The following AXDND1 variants were observed in gnomAD, a reference collection of about 807,000 sequenced individuals.
AXDND1 encodes axonemal dynein light chain domain containing 1.
Under a neutral mutation model 137.5 loss-of-function variants are expected in AXDND1, and 110 were observed. That is an observed-to-expected ratio of 0.80 (90% CI 0.69 to 0.94). The LOEUF (loss-of-function observed/expected upper bound fraction) is 0.94, where lower values mean the gene tolerates loss of function less well. AXDND1 is among the 40% of genes least tolerant of loss of function. The probability of loss-of-function intolerance (pLI) is 0.00; values close to 1 mark genes in which losing one functional copy is unlikely to be tolerated. For synonymous variants in AXDND1, 414 were observed against 399.7 expected, an observed-to-expected ratio of 1.04 and a Z score of -0.43; for missense variants, 1,191 against 1,169.8, an observed-to-expected ratio of 1.02 and a Z score of -0.26.
chr1:179,410,302 C>A (rs1017515776), intron 11 of AXDND1, among the ~76,000 whole-genome samples: 3 of 152,168 alleles, frequency 2.0e-5, no homozygotes, highest in Non-Finnish European at 4.4e-5. Flanking sequence ...GCGATCTCGG[C>A]TCACTGCAAC....
intron 21 of AXDND1, among the ~76,000 whole-genome samples, chr1:179,518,358 G>A: frequency 6.6e-6 from 1 of 150,570 alleles, no homozygotes; most frequent in East Asian, 1.9e-4. Flanking sequence ...TTTAATTATT[G>A]AGGCTTTATG....
chr1:179,418,781 G>T (rs1309240746), intron 12 of AXDND1, among the ~76,000 whole-genome samples: 2 of 151,970 alleles, frequency 1.3e-5, no homozygotes, highest in African/African-American at 4.8e-5. Flanking sequence ...CTTCCCAGAT[G>T]GGGTGGCTGC....
chr1:179,396,644 A>G (rs1651117292), intron 11 of AXDND1, among the ~76,000 whole-genome samples: 2 of 151,350 alleles, frequency 1.3e-5, no homozygotes, highest in South Asian at 4.3e-4. Flanking sequence ...CGACAGAGCA[A>G]GACTCCATCT....
At chr1:179,447,942 C>T (rs1350309396) in intron 16 of AXDND1, 15 of 1,389,124 alleles carry the variant, frequency 1.1e-5, no homozygotes, top group South Asian at 1.0e-4. Context: ...AATCTGTTAA[C>T]GTTGAGCTGG....
At chr1:179,459,891 TTTCTTTC>T (rs139875190) in intron 16 of AXDND1, among the ~76,000 whole-genome samples, 12,976 of 131,232 alleles carry the variant, frequency 0.099, 704 homozygotes, top group East Asian at 0.23. Context: ...TCTCTTTTCT[TTTCTTTC>T]TTTCATTCCT....
chr1:179,551,117 G>A, intron 25 of AXDND1: 1 of 1,607,014 alleles, frequency 6.2e-7, no homozygotes, highest in Non-Finnish European at 8.5e-7. Flanking sequence ...GTCTCCCTCA[G>A]GCATGTGACT....
At chr1:179,445,583 A>ATTCATTCC (rs1659621966) in intron 16 of AXDND1, among the ~76,000 whole-genome samples, 1 of 152,106 alleles carries the variant, frequency 6.6e-6, no homozygotes, top group Admixed American at 6.5e-5. Context: ...CCTGTTCTGG[A>ATTCATTCC]CTTTCATGTG....
In AXDND1 at chr1:179,488,651, C is replaced by CTT. The variant is rs1336430813; in HGVS notation, c.2092-2885_2092-2884dup. On this transcript the variant is annotated intron_variant, in intron 18 of 25. Coordinates refer to ENST00000367618, the MANE Select transcript of AXDND1 (RefSeq NM_144696.6). ...CTCTCTCTCCTTTCTTTCTTTCTTT[C>CTT]TTTCTTTCTTTCTTTCTTTCTTTCT... Among the ~76,000 whole-genome samples, 90 of 107,902 alleles carry CTT rather than the reference C, an allele frequency of 8.3e-4. 4 individuals carry two copies. The highest frequency in any genetic ancestry group is 1.1e-3 in the Non-Finnish European group (58 of 54,616). 70.8% of individuals were successfully genotyped at this position (107,902 alleles called of 152,430 possible).
chr1:179,541,104 G>T (rs1383601900), intron 25 of AXDND1, among the ~76,000 whole-genome samples: 1 of 152,230 alleles, frequency 6.6e-6, no homozygotes, highest in African/African-American at 2.4e-5. Flanking sequence ...ATCTTAGCTT[G>T]CTGGGCTCCG....
chr1:179,534,577 A>T, intron 24 of AXDND1, 153 bp from the exon 25 acceptor site: 1 of 893,642 alleles, frequency 1.1e-6, no homozygotes, highest in Non-Finnish European at 1.6e-6. Flanking sequence ...CTGGGCCCCC[A>T]GTTCTCAGTT....
At chr1:179,494,807 A>G (rs1021542707) in intron 20 of AXDND1, among the ~76,000 whole-genome samples, 4 of 152,162 alleles carry the variant, frequency 2.6e-5, no homozygotes, top group African/African-American at 9.7e-5. Flanking sequence ...ATTTTCTCCT[A>G]TGTTTTCTTC....
At chr1:179,538,368 T>A (rs1190470866) in intron 25 of AXDND1, among the ~76,000 whole-genome samples, 2 of 152,234 alleles carry the variant, frequency 1.3e-5, no homozygotes, top group Non-Finnish European at 2.9e-5. Flanking sequence ...TTTAAATGTG[T>A]CCCAGAGATT....
chr1:179,546,589 C>T (rs755026865), intron 25 of AXDND1, among the ~76,000 whole-genome samples: 4 of 152,062 alleles, frequency 2.6e-5, no homozygotes, highest in African/African-American at 4.8e-5. Context: ...ATGTCCAGAC[C>T]GAGCCATGCT....
At chr1:179,523,894 A>G (rs1670299720) in intron 21 of AXDND1, among the ~76,000 whole-genome samples, 1 of 152,132 alleles carries the variant, frequency 6.6e-6, no homozygotes, top group African/African-American at 2.4e-5. Flanking sequence ...CCCAAAGTCC[A>G]TTGTATCATT....
intron 17 of AXDND1, among the ~76,000 whole-genome samples, chr1:179,482,287 G>A (rs1558246696): frequency 6.6e-6 from 1 of 151,932 alleles, no homozygotes; most frequent in Non-Finnish European, 1.5e-5. Context: ...CTCTCATGGA[G>A]TAGAACCACT....
chr1:179,520,668 C>T (rs907705793), intron 21 of AXDND1, among the ~76,000 whole-genome samples: 1 of 151,656 alleles, frequency 6.6e-6, no homozygotes, highest in Non-Finnish European at 1.5e-5. Context: ...TTAGAGTAGA[C>T]ATGTTTATGA....
intron 21 of AXDND1, among the ~76,000 whole-genome samples, chr1:179,517,474 C>G (rs183384779): frequency 6.6e-6 from 1 of 152,234 alleles, no homozygotes; most frequent in Non-Finnish European, 1.5e-5. Context: ...GGAGGCACCT[C>G]GCCCGATTCA....
intron 24 of AXDND1, 58 bp from the exon 25 acceptor site, chr1:179,534,672 A>G: frequency 6.6e-7 from 1 of 1,517,330 alleles, no homozygotes; most frequent in East Asian, 2.3e-5. Context: ...ATGAGTTTCG[A>G]AATCAAAAAT....
intron 18 of AXDND1, among the ~76,000 whole-genome samples, chr1:179,484,447 C>G (rs1665789578): frequency 6.6e-6 from 1 of 152,146 alleles, no homozygotes; most frequent in African/African-American, 2.4e-5. Flanking sequence ...ACCCCCCTGT[C>G]TTGTGGACTC....
Sources: allele counts gnomAD v4.1 joint callset (sites outside exome capture counted in the v4.1 genomes callset), GRCh38; gene constraint gnomAD v4.1.1; transcripts MANE v1.5; gene names NCBI Gene and HGNC (gene_info 2026-07-23, HGNC 2026-07-21).